The following RUNX2 variants were observed in gnomAD, a reference collection of about 807,000 sequenced individuals.
RUNX2 encodes RUNX family transcription factor 2, also known as runt-related transcription factor 2.
Under a neutral mutation model 51.7 loss-of-function variants are expected in RUNX2, and 10 were observed. That is an observed-to-expected ratio of 0.19 (90% CI 0.12 to 0.33). RUNX2 has a LOEUF of 0.33. Ranked by LOEUF, RUNX2 falls within the 10% of genes least tolerant of loss-of-function variation. The probability of loss-of-function intolerance (pLI) is 1.00; values close to 1 mark genes in which losing one functional copy is unlikely to be tolerated. For synonymous variants in RUNX2, 276 were observed against 273.6 expected (o/e 1.01, Z -0.09); for missense variants, 562 against 691.3 (o/e 0.81, Z 2.10).
chr6:45,535,627 G>C (rs1802008290), intron 7 of RUNX2, among the ~76,000 whole-genome samples: 1 of 151,708 alleles, frequency 6.6e-6, no homozygotes, highest in African/African-American at 2.4e-5. Flanking sequence ...GAAAGAAAAA[G>C]AAAGATACAA....
intron 2 of RUNX2, among the ~76,000 whole-genome samples, chr6:45,374,771 A>G (rs949290932): frequency 3.9e-5 from 6 of 152,246 alleles, no homozygotes; most frequent in Non-Finnish European, 8.8e-5. Flanking sequence ...GAGGGAACCA[A>G]AACTCAAGCT....
At chr6:45,408,131 GA>G (rs55875203) in intron 2 of RUNX2, among the ~76,000 whole-genome samples, 25,803 of 151,828 alleles carry the variant, frequency 0.17, 2,706 homozygotes, top group Non-Finnish European at 0.25. Flanking sequence ...TTGATTAATG[GA>G]GGCTCTGTGT....
chr6:45,397,682 C>A (rs1395484680), intron 2 of RUNX2, among the ~76,000 whole-genome samples: 1 of 152,104 alleles, frequency 6.6e-6, no homozygotes, highest in Non-Finnish European at 1.5e-5. Context: ...TTTACACTTT[C>A]TTTGGCAAAA....
chr6:45,506,687 G>A (rs189810659), intron 6 of RUNX2, among the ~76,000 whole-genome samples: 121 of 152,152 alleles, frequency 8.0e-4, no homozygotes, highest in Middle Eastern at 3.4e-3. Context: ...ACAAAGTCTC[G>A]CTCTGTCGCC....
chr6:45,491,768 A>G (rs1278821004), intron 5 of RUNX2, among the ~76,000 whole-genome samples, 173 bp from the exon 6 acceptor site: 1 of 151,906 alleles, frequency 6.6e-6, no homozygotes, highest in Non-Finnish European at 1.5e-5. Context: ...GCCACCAGAT[A>G]CCGCTTATAA....
At chr6:45,470,527 A>G (rs975138003) in intron 5 of RUNX2, among the ~76,000 whole-genome samples, 3 of 152,238 alleles carry the variant, frequency 2.0e-5, no homozygotes, top group Non-Finnish European at 4.4e-5. Context: ...GATAAATGTC[A>G]CATGAGTGAT....
In RUNX2 at chr6:45,350,863, C is replaced by A. The variant is rs183108373; in HGVS notation, c.58+22079C>A. On this transcript the variant is annotated intron_variant, in intron 2 of 8. Transcript: ENST00000647337. ...TTTATAATAGCTCAGGGGTCCCCAA[C>A]CCCCAGTTCCAGTTCGTGGCCTGTT... 9.3e-5 allele frequency among the ~76,000 whole-genome samples: 14 copies of A among 151,168 alleles called. No individual in the cohort carries two copies. In the East Asian group the frequency reaches 1.9e-3, roughly 21 times the overall value.
intron 2 of RUNX2, chr6:45,365,378 T>C (rs1794959255): frequency 2.1e-6 from 2 of 960,358 alleles, no homozygotes; most frequent in Non-Finnish European, 3.1e-6. Context: ...AAAGCAAATA[T>C]AAATTACTTC....
chr6:45,450,384 C>T (rs559226982), intron 5 of RUNX2, among the ~76,000 whole-genome samples: 19 of 152,248 alleles, frequency 1.2e-4, no homozygotes, highest in South Asian at 2.1e-4. Flanking sequence ...TAAATATTTC[C>T]GGCATGGGAA....
At chr6:45,393,086 TG>T (rs1221711963) in intron 2 of RUNX2, among the ~76,000 whole-genome samples, 6 of 152,228 alleles carry the variant, frequency 3.9e-5, no homozygotes, top group African/African-American at 1.4e-4. Context: ...ATTACCCATT[TG>T]CTCTCACATG....
At position 45,345,492 on chromosome 6, in the gene RUNX2, C is replaced by T. The variant is rs115029289; in HGVS notation, c.58+16708C>T. 5.3e-3 allele frequency among the ~76,000 whole-genome samples: 805 copies of T among 152,208 alleles called. 5 individuals are homozygous for T. The highest frequency in any genetic ancestry group is 0.018 in the African/African-American group (750 of 41,528). On this transcript the variant is annotated intron_variant, in intron 2 of 8. Coordinates refer to ENST00000647337, the MANE Select transcript of RUNX2 (RefSeq NM_001024630.4). ...AACCAGGATACAAATGATAAACCAA[C>T]GCTCAAACCTGCAGCTTAATGGCAC...
At chr6:45,471,076 C>G (rs970507289) in intron 5 of RUNX2, among the ~76,000 whole-genome samples, 1 of 152,084 alleles carries the variant, frequency 6.6e-6, no homozygotes, top group Non-Finnish European at 1.5e-5. Context: ...GAAAGCCAAC[C>G]CAGGAGCCAT....
At chr6:45,394,102 G>A (rs1044906916) in intron 2 of RUNX2, among the ~76,000 whole-genome samples, 6 of 151,976 alleles carry the variant, frequency 3.9e-5, no homozygotes, top group African/African-American at 1.4e-4. Context: ...TAGTAGAGAC[G>A]GGATTTCACC....
At chr6:45,370,050 T>C (rs1419696000) in intron 2 of RUNX2, among the ~76,000 whole-genome samples, 1 of 152,134 alleles carries the variant, frequency 6.6e-6, no homozygotes, top group Non-Finnish European at 1.5e-5. Flanking sequence ...TATTAGAGAA[T>C]TTTGAAAAGG....
At chr6:45,425,190 T>A (rs1798350979) in intron 3 of RUNX2, among the ~76,000 whole-genome samples, 1 of 152,242 alleles carries the variant, frequency 6.6e-6, no homozygotes, top group Non-Finnish European at 1.5e-5. Flanking sequence ...AAGTGTTCCA[T>A]ATACCATTCT....
chr6:45,548,488 C>A lies in RUNX2; in HGVS notation c.*1183C>A, dbSNP rs1476499555. 6.6e-6 allele frequency: 1 copy of A among 152,614 alleles called. No individual in the cohort carries two copies. The highest frequency in any genetic ancestry group is 2.4e-5 in the African/African-American group (1 of 41,440). 9.5% of individuals were successfully genotyped at this position (152,614 alleles called of 1,614,324 possible). On this transcript the variant is annotated 3_prime_UTR_variant, in exon 9 of 9. Coordinates refer to ENST00000647337, the MANE Select transcript of RUNX2 (RefSeq NM_001024630.4). Reference sequence around the variant, plus strand: ...TTTGAATGCCTCTAACACAGCTTTGCCTTCTAAAGCGGTAATTAGGGATTT... The same window carrying A: ...TTTGAATGCCTCTAACACAGCTTTGACTTCTAAAGCGGTAATTAGGGATTT...
intron 2 of RUNX2, among the ~76,000 whole-genome samples, chr6:45,389,896 C>T (rs1366453175): frequency 6.6e-6 from 1 of 151,804 alleles, no homozygotes; most frequent in Non-Finnish European, 1.5e-5. Context: ...ATCCCAGCTG[C>T]TTGGGAGGTT....
rs369958554 is a variant in RUNX2, at chr6:45,508,297, C to T, written c.860-3949C>T. ...GGGCTGGAGTGCAATGGCGTGATCT[C>T]GGCTCACCGCAACCTCCGCCTCTTG... is the stretch of plus-strand genomic sequence containing the variant. On this transcript the variant is annotated intron_variant, in intron 6 of 8. Transcript: ENST00000647337. Among the ~76,000 whole-genome samples the T allele has an allele frequency of 8.1e-5, 11 of 135,276 alleles. No homozygotes were observed. The East Asian group carries it at 2.4e-3, about 29-fold the overall frequency. 88.7% of individuals were successfully genotyped at this position (135,276 alleles called of 152,430 possible). A position where few individuals can be genotyped will look rare whatever the true frequency, so the allele number is the denominator to read the frequency against.
At chr6:45,544,964 C>T (rs2150451761) in intron 7 of RUNX2, among the ~76,000 whole-genome samples, 1 of 152,276 alleles carries the variant, frequency 6.6e-6, no homozygotes, top group South Asian at 2.1e-4. Flanking sequence ...TTATAAAAAG[C>T]AGAGAGTGAC....
Sources: gnomAD v4.1 joint callset for allele counts (sites outside exome capture counted in the v4.1 genomes callset) on GRCh38, gnomAD v4.1.1 for gene constraint, MANE v1.5 for transcripts, NCBI Gene and HGNC (gene_info 2026-07-23, HGNC 2026-07-21) for gene names.